The following DMD variants were observed in gnomAD, a reference collection of about 807,000 sequenced individuals.
DMD encodes dystrophin, also known as mutant dystrophin.
In DMD, 63 loss-of-function variants were observed where a neutral mutation model predicts 330.1. The ratio of observed to expected loss-of-function variants is 0.19; its 90% CI spans 0.16 to 0.24. DMD has a LOEUF of 0.24. DMD is among the 10% of genes least tolerant of loss of function. The pLI is 1.00. For missense variants in DMD, 3,344 were observed against 2,684.1 expected (o/e 1.25, Z -5.43); for synonymous variants, 1,223 against 959.8 (o/e 1.27, Z -5.07).
At chrX:31,607,795 G>A (rs1312715606) in intron 55 of DMD, among the ~76,000 whole-genome samples, 1 of 112,287 alleles carries the variant, frequency 8.9e-6, no homozygotes, top group Non-Finnish European at 1.9e-5. Flanking sequence ...TTCTTCAGCT[G>A]ACATCTATTT....
At chrX:33,014,127 C>T (rs2093754924) in intron 2 of DMD, among the ~76,000 whole-genome samples, 2 of 111,494 alleles carry the variant, frequency 1.8e-5, no homozygotes, top group South Asian at 7.5e-4. Context: ...AATTTGCAAT[C>T]AGTCAGATTA....
chrX:33,126,513 CCA>C (rs1380187142), intron 1 of DMD, among the ~76,000 whole-genome samples: 10 of 111,148 alleles, frequency 9.0e-5, no homozygotes, highest in Non-Finnish European at 1.9e-4. Flanking sequence ...AATCTGATGC[CCA>C]CTCAAGGAAG....
intron 1 of DMD, among the ~76,000 whole-genome samples, chrX:33,237,612 T>G (rs2148887187): frequency 8.9e-6 from 1 of 111,860 alleles, no homozygotes; most frequent in Non-Finnish European, 1.9e-5. Flanking sequence ...AGCAACTGAA[T>G]ATAGGAATGA....
At chrX:32,817,147 G>C (rs1247995407) in intron 5 of DMD, among the ~76,000 whole-genome samples, 1 of 111,452 alleles carries the variant, frequency 9.0e-6, no homozygotes, top group Non-Finnish European at 1.9e-5. Flanking sequence ...TACATGCAAG[G>C]TTAGTGTAAG....
intron 21 of DMD, among the ~76,000 whole-genome samples, chrX:32,482,874 T>C (rs935443199): frequency 9.1e-6 from 1 of 109,463 alleles, no homozygotes; most frequent in Non-Finnish European, 1.9e-5. Context: ...CCAACACTGA[T>C]AGTATATTTT....
Position 31,180,440 on chromosome X carries a change from C to T in DMD, c.10016G>A (p.Ser3339Asn). 1 of 1,209,927 alleles carries T rather than the reference C, an allele frequency of 8.3e-7. No homozygotes were observed. The highest frequency in any genetic ancestry group is 1.1e-6 in the Non-Finnish European group (1 of 893,925). ...TGCAACTCGACCAGAAAAAAAGCAGCTTTGGCAGATGTCATAATTAAAGTG... is the reference window on the plus strand; with the variant it reads ...TGCAACTCGACCAGAAAAAAAGCAGTTTTGGCAGATGTCATAATTAAAGTG... The part of the protein sequence containing the change: ...LKHFNYDICQ[S>N]CFFSGRVAKG... Residue 3339 changes from serine (S) to asparagine (N), a missense_variant, in exon 69 of 79, where the codon AGC (serine) becomes AAC (asparagine). Ser to Asn is a conservative substitution (Grantham distance 46). Coordinates refer to ENST00000357033, the MANE Select transcript of DMD (RefSeq NM_004006.3).
intron 43 of DMD, among the ~76,000 whole-genome samples, chrX:32,282,431 C>G (rs756200691): frequency 2.7e-5 from 3 of 112,086 alleles, no homozygotes; most frequent in African/African-American, 9.7e-5. Flanking sequence ...AAAAAGTTAA[C>G]TAGTAATCTT....
At chrX:31,871,573 T>TC (rs2093890098) in intron 48 of DMD, among the ~76,000 whole-genome samples, 1 of 111,159 alleles carries the variant, frequency 9.0e-6, no homozygotes, top group South Asian at 3.8e-4. Flanking sequence ...ACCCTTTGTT[T>TC]CCGAGGCAGC....
intron 39 of DMD, among the ~76,000 whole-genome samples, chrX:32,345,233 C>T (rs1328911474): frequency 9.0e-6 from 1 of 111,130 alleles, no homozygotes; most frequent in Non-Finnish European, 1.9e-5. Context: ...AAAAAAGTTT[C>T]ACAAAACTTT....
chrX:32,979,668 C>T (rs189665162), intron 2 of DMD, among the ~76,000 whole-genome samples: 2 of 111,819 alleles, frequency 1.8e-5, no homozygotes, highest in Admixed American at 1.9e-4. Context: ...TAAGAAGAAG[C>T]TTCACACCTT....
At chrX:31,351,544 G>A (rs959953795) in intron 60 of DMD, among the ~76,000 whole-genome samples, 1 of 109,041 alleles carries the variant, frequency 9.2e-6, no homozygotes, top group African/African-American at 3.4e-5. Context: ...TGGCCAACAT[G>A]ATGAAACGCA....
chrX:32,119,527 C>G (rs6631497), intron 44 of DMD, among the ~76,000 whole-genome samples: 16,168 of 110,022 alleles, frequency 0.15, 973 homozygotes, highest in Middle Eastern at 0.2. Flanking sequence ...CAAAAACAGA[C>G]TTGAGATTCA....
At position 31,310,545 on chromosome X, in the gene DMD, C is replaced by CT. The variant is rs112774827; in HGVS notation, c.9224+13052dup. Reference sequence around the variant, plus strand: ...GATAGAGATTTTTCTTTTCTTTCTTCTTTTTTTTTTATTCCTAGAGACAGA... The same window carrying CT: ...GATAGAGATTTTTCTTTTCTTTCTTCTTTTTTTTTTTATTCCTAGAGACAGA... On this transcript the variant is annotated intron_variant, in intron 62 of 78. Transcript: ENST00000357033. Among the ~76,000 whole-genome samples, 13 of 105,224 alleles carry CT rather than the reference C, an allele frequency of 1.2e-4. No homozygotes were observed. The East Asian group carries it at 1.5e-3, about 12-fold the overall frequency. The allele number at this position is 105,224 out of a possible 115,157, so 91.4% of individuals were successfully genotyped here.
intron 13 of DMD, among the ~76,000 whole-genome samples, chrX:32,584,364 G>C (rs993546626): frequency 5.4e-5 from 6 of 111,827 alleles, no homozygotes; most frequent in Admixed American, 9.5e-5. Flanking sequence ...AAAACCCTTT[G>C]TTAATATCTT....
intron 2 of DMD, among the ~76,000 whole-genome samples, chrX:32,976,113 C>T (rs1353422822): frequency 2.7e-5 from 3 of 110,398 alleles, no homozygotes; most frequent in African/African-American, 9.9e-5. Context: ...CCCAGCTACT[C>T]GGGAGGCTGA....
chrX:32,548,595 T>C (rs1357740124), intron 16 of DMD, among the ~76,000 whole-genome samples: 2 of 111,897 alleles, frequency 1.8e-5, no homozygotes, highest in East Asian at 2.8e-4. Flanking sequence ...GAGTAAACAA[T>C]GCTAGACATA....
chrX:32,671,907 G>A lies in DMD; in HGVS notation c.960+25963C>T, dbSNP rs752597276. Among the ~76,000 whole-genome samples the A allele has an allele frequency of 2.7e-5, 3 of 111,046 alleles. No individual in the cohort carries two copies. In the South Asian group the frequency reaches 1.1e-3, roughly 42 times the overall value. ...TGTATAGTATGTAACTAACTCAAGT[G>A]GGCTCATCCATCATTGGTTTATTGT... is the stretch of plus-strand genomic sequence containing the variant. On this transcript the variant is annotated intron_variant, in intron 9 of 78. Coordinates refer to ENST00000357033, the MANE Select transcript of DMD (RefSeq NM_004006.3).
At chrX:31,610,678 T>C (rs1429721311) in intron 55 of DMD, among the ~76,000 whole-genome samples, 2 of 111,990 alleles carry the variant, frequency 1.8e-5, no homozygotes, top group African/African-American at 6.5e-5. Context: ...TTGTGAAAAA[T>C]TCAGCCAGTA....
At chrX:32,019,210 A>G (rs2095789945) in intron 44 of DMD, among the ~76,000 whole-genome samples, 1 of 110,453 alleles carries the variant, frequency 9.1e-6, no homozygotes, top group Admixed American at 9.7e-5. Context: ...AAGCAACTTG[A>G]ACACGCATCA....
Sources: gnomAD v4.1 joint callset for allele counts (sites outside exome capture counted in the v4.1 genomes callset) on GRCh38, gnomAD v4.1.1 for gene constraint, MANE v1.5 for transcripts, NCBI Gene and HGNC (gene_info 2026-07-23, HGNC 2026-07-21) for gene names.